The following ADGRB1 variants were observed in gnomAD, a reference collection of about 807,000 sequenced individuals.
ADGRB1 encodes brain-specific angiogenesis inhibitor 1.
A neutral mutation model predicts 175.7 loss-of-function variants in ADGRB1; 36 were observed. That is an observed-to-expected ratio of 0.20 (90% CI 0.16 to 0.27). ADGRB1 has a LOEUF of 0.27. Among genes scored for constraint, ADGRB1 ranks in the 10% least tolerant of loss-of-function variants. ADGRB1 has a pLI of 1.00. For missense variants in ADGRB1, 1,731 were observed against 2,255.3 expected (o/e 0.77, Z 4.71); for synonymous variants, 1,054 against 979.4 (o/e 1.08, Z -1.42).
chr8:142,544,319 C>T lies in ADGRB1; in HGVS notation c.4657C>T (p.Pro1553Ser), dbSNP rs1845464712. The change falls in exon 31 of 31, where the codon CCG (proline) becomes TCG (serine). Residue 1553 changes from proline (P) to serine (S), a missense_variant. Pro to Ser is a moderately conservative substitution (Grantham distance 74). Transcript: ENST00000517894. ...WVKKELEPLQ[P>S]SPLELRSVEW... ...GAAGAAGGAGCTGGAGCCGCTGCAG[C>T]CGTCGCCGCTGGAGCTTCGCAGCGT... The T allele has an allele frequency of 6.5e-7, 1 of 1,548,856 alleles. No individual in the cohort carries two copies.
chr8:142,535,704 G>A (rs1247367432), intron 25 of ADGRB1, among the ~76,000 whole-genome samples: 1 of 152,186 alleles, frequency 6.6e-6, no homozygotes, highest in Non-Finnish European at 1.5e-5. Context: ...GGGTGTTCCT[G>A]GAGAGGGTAC....
Position 142,511,013 on chromosome 8 carries a change from G to T in ADGRB1, c.2757G>T (p.Thr919=), listed in dbSNP as rs1216428751. 5.3e-6 allele frequency: 7 copies of T among 1,310,368 alleles called. No individual in the cohort carries two copies. The East Asian group carries it at 2.3e-4, about 42-fold the overall frequency. 81.2% of individuals were successfully genotyped at this position (1,310,368 alleles called of 1,614,324 possible). A position where few individuals can be genotyped will look rare whatever the true frequency, so the allele number is the denominator to read the frequency against. The part of the protein sequence containing the change: ...CRTVPLDALR[T]RCLCDRLSTF... ...CGGTGCCCCTCGACGCCCTCCGGACGCGCTGCCTCTGTGACCGGCTCTCCA... is the reference window on the plus strand; with the variant it reads ...CGGTGCCCCTCGACGCCCTCCGGACTCGCTGCCTCTGTGACCGGCTCTCCA... The change falls in exon 18 of 31, where the codon ACG becomes ACT. Residue 919 remains threonine, a synonymous_variant. Coordinates refer to ENST00000517894, the MANE Select transcript of ADGRB1 (RefSeq NM_001702.3). The surrounding 1 kb of genome is among the most constrained non-coding windows in gnomAD (Gnocchi z 4.5).
chr8:142,488,792 C>T (rs1267278630), intron 14 of ADGRB1, among the ~76,000 whole-genome samples: 1 of 152,168 alleles, frequency 6.6e-6, no homozygotes, highest in African/African-American at 2.4e-5. Context: ...CCTGCCTGCC[C>T]GTAGCTCTCA....
intron 30 of ADGRB1, 103 bp from the exon 31 acceptor site, chr8:142,544,117 G>A (rs553264383): frequency 9.6e-6 from 12 of 1,246,316 alleles, no homozygotes; most frequent in Non-Finnish European, 1.2e-5. Flanking sequence ...CCCACCTCCC[G>A]TCCCTTCCTC....
intron 1 of ADGRB1, among the ~76,000 whole-genome samples, chr8:142,456,499 G>A (rs1047053910): frequency 5.9e-5 from 9 of 152,024 alleles, no homozygotes; most frequent in African/African-American, 1.5e-4. Context: ...GCTGGAACAC[G>A]CACATTCTGT....
intron 1 of ADGRB1, among the ~76,000 whole-genome samples, chr8:142,453,421 C>G (rs1373723991): frequency 1.3e-5 from 2 of 152,192 alleles, no homozygotes; most frequent in African/African-American, 4.8e-5. Flanking sequence ...ACACCTGACC[C>G]TCAGCAAAGA....
chr8:142,539,518 C>T (rs1346065534), intron 27 of ADGRB1, 105 bp downstream of exon 27: 6 of 1,355,972 alleles, frequency 4.4e-6, no homozygotes, highest in East Asian at 2.5e-5. Flanking sequence ...CCTGTCCACT[C>T]CTGCTGCCCC....
At position 142,475,655 on chromosome 8, in the gene ADGRB1, G is replaced by GGCGGA. The variant is rs1245910174; in HGVS notation, c.946+23_946+27dup. On this transcript the variant is annotated intron_variant, in intron 3 of 30. Transcript: ENST00000517894. ...GCGGCCGTGAGTGCGGGCGGGGCGG[G>GGCGGA]GCGGAGCCGGAGCCCTGGAGAGGCG... 7 of 1,226,212 alleles carry GGCGGA rather than the reference G, an allele frequency of 5.7e-6. No individual in the cohort carries two copies. The highest frequency in any genetic ancestry group is 5.1e-6 in the Non-Finnish European group (5 of 984,178). The allele number at this position is 1,226,212 out of a possible 1,614,324, so 76.0% of individuals were successfully genotyped here.
At chr8:142,488,885 G>A in intron 14 of ADGRB1, 150 bp from the exon 15 acceptor site, 3 of 967,162 alleles carry the variant, frequency 3.1e-6, no homozygotes, top group Non-Finnish European at 4.6e-6. Context: ...GTGTCCGTGG[G>A]TGGGTGGGCC....
At chr8:142,536,235 T>TG (rs5895728) in intron 25 of ADGRB1, among the ~76,000 whole-genome samples, 53,839 of 151,490 alleles carry the variant, frequency 0.36, 10,012 homozygotes, top group East Asian at 0.57. Context: ...AGGATTCCCT[T>TG]TATATACTGT....
intron 24 of ADGRB1, among the ~76,000 whole-genome samples, chr8:142,532,508 A>G (rs1844681454): frequency 1.3e-5 from 2 of 152,122 alleles, no homozygotes; most frequent in Admixed American, 6.5e-5. Context: ...AAGGGTCTAC[A>G]GGCAGGTGGC....
chr8:142,540,102 G>A (rs1241356673), intron 27 of ADGRB1: 1 of 152,528 alleles, frequency 6.6e-6, no homozygotes, highest in African/African-American at 2.4e-5. Context: ...GTGACAGGCA[G>A]TGGCTTTCTG....
Position 142,524,296 on chromosome 8 carries a change from G to A in ADGRB1, c.3304G>A (p.Val1102Ile), listed in dbSNP as rs368914802. Residue 1102 changes from valine (V) to isoleucine (I), a missense_variant, in exon 23 of 31, where the codon GTT becomes ATT. Transcript: ENST00000517894. ...TGCCTTCGTGGGACCTGCCGCTGCC[G>A]TTGTGCTGGTACTGACCCGCCCAGG... Reference protein sequence around the residue: ...LYAFVGPAAAVVLVNMVIGIL... With the variant: ...LYAFVGPAAAIVLVNMVIGIL... 45 of 1,598,780 alleles carry A rather than the reference G, an allele frequency of 2.8e-5. No homozygotes were observed. Among genetic ancestry groups the A allele is most frequent in the Admixed American group, 3.4e-5 (2 of 59,498 alleles).
At position 142,520,639 on chromosome 8, in the gene ADGRB1, GTGA is replaced by G. The variant is rs555750911; in HGVS notation, c.2922-172_2922-170del. Among the ~76,000 whole-genome samples, 511 of 151,956 alleles carry G rather than the reference GTGA, an allele frequency of 3.4e-3. 1 individual carries two copies. Among genetic ancestry groups the G allele is most frequent in the Middle Eastern group, 0.01 (3 of 294 alleles). Reference sequence around the variant, plus strand: ...TGTTGGTGATGGTGGTGATGATTGTGTGATGATGATGATGGTGTAATGGTGGTG... The same window carrying G: ...TGTTGGTGATGGTGGTGATGATTGTGTGATGATGATGGTGTAATGGTGGTG... On this transcript the variant is annotated intron_variant, in intron 19 of 30. Transcript: ENST00000517894.
chr8:142,522,700 A>C lies in ADGRB1; in HGVS notation c.3235A>C (p.Thr1079Pro). 1 of 1,536,066 alleles carries C rather than the reference A, an allele frequency of 6.5e-7. No individual in the cohort carries two copies. The highest frequency in any genetic ancestry group is 8.7e-7 in the Non-Finnish European group (1 of 1,145,144). The change falls in exon 22 of 31, where the codon ACC becomes CCC. Residue 1079 changes from threonine (T) to proline (P), a missense_variant. Around this residue, in one of 8 missense-constraint regions of ADGRB1, gnomAD observed 301 missense variants for 488.4 expected, o/e 0.62. Coordinates refer to ENST00000517894, the MANE Select transcript of ADGRB1 (RefSeq NM_001702.3). ...VGFTKAKGYSTMNYCWLSLEG... is the reference protein window; with the variant it reads ...VGFTKAKGYSPMNYCWLSLEG... Reference sequence around the variant, plus strand: ...ATTCACCAAGGCCAAAGGGTACAGCACCATGAACTAGTGAGTCGGGGCATT... The same window carrying C: ...ATTCACCAAGGCCAAAGGGTACAGCCCCATGAACTAGTGAGTCGGGGCATT...
chr8:142,451,972 G>A (rs1219603631), intron 1 of ADGRB1, among the ~76,000 whole-genome samples: 1 of 152,190 alleles, frequency 6.6e-6, no homozygotes, highest in Non-Finnish European at 1.5e-5. Context: ...AGCAGGCGAA[G>A]GAGGGGGCGG....
chr8:142,536,437 C>T (rs1340038947), intron 25 of ADGRB1, among the ~76,000 whole-genome samples: 1 of 152,194 alleles, frequency 6.6e-6, no homozygotes, highest in Non-Finnish European at 1.5e-5. Context: ...AGTCTGCTGC[C>T]GTCCTCACCA....
At chr8:142,499,851 G>C (rs987826857) in intron 17 of ADGRB1, among the ~76,000 whole-genome samples, 1 of 152,192 alleles carries the variant, frequency 6.6e-6, no homozygotes, top group African/African-American at 2.4e-5. Context: ...CCAGGAGCTT[G>C]GAAGAGCCAG....
intron 23 of ADGRB1, among the ~76,000 whole-genome samples, chr8:142,526,020 C>T (rs1844158865): frequency 6.6e-6 from 1 of 152,150 alleles, no homozygotes; most frequent in South Asian, 2.1e-4. Context: ...CAGTGGCAGG[C>T]ATGGGAGACT....
Sources: allele counts gnomAD v4.1 joint callset (sites outside exome capture counted in the v4.1 genomes callset), GRCh38; gene constraint gnomAD v4.1.1; regional missense constraint gnomAD v4.1.1; non-coding constraint Gnocchi (gnomAD v3.1); transcripts MANE v1.5; gene names NCBI Gene and HGNC (gene_info 2026-07-23, HGNC 2026-07-21).